TICRR: variants seen among roughly 807,000 people sequenced by gnomAD.
TICRR encodes the protein TOPBP1 interacting checkpoint and replication regulator.
A neutral mutation model predicts 178.1 loss-of-function variants in TICRR; 132 were observed. The ratio of observed to expected loss-of-function variants is 0.74; its 90% CI spans 0.64 to 0.86. The LOEUF (loss-of-function observed/expected upper bound fraction) is 0.86, where lower values mean the gene tolerates loss of function less well. Among genes scored for constraint, TICRR ranks in the 40% least tolerant of loss-of-function variants. TICRR has a pLI of 0.00. For synonymous variants in TICRR, 991 were observed against 900.7 expected (o/e 1.10, Z -1.79); for missense variants, 2,587 against 2,334.3 (o/e 1.11, Z -2.23).
rs1294321238 is a variant in TICRR at position 89,618,021 on chromosome 15, C to A, written c.2961-131C>A. ...TCTTGACAATAATCACGTATGAGAG[C>A]CCTTTACCAGCACTGGTGTTATCAG... On this transcript the variant is annotated intron_variant, in intron 16 of 21. Coordinates refer to ENST00000268138, the MANE Select transcript of TICRR (RefSeq NM_152259.4). The A allele has an allele frequency of 1.2e-5, 11 of 904,210 alleles. No homozygotes were observed. In the East Asian group the frequency reaches 2.2e-4, roughly 18 times the overall value. The allele number at this position is 904,210 out of a possible 1,614,324, so 56.0% of individuals were successfully genotyped here.
intron 1 of TICRR, among the ~76,000 whole-genome samples, chr15:89,579,453 C>T (rs1404332500): frequency 2.6e-5 from 4 of 152,120 alleles, no homozygotes; most frequent in Admixed American, 6.5e-5. Context: ...TCAAGTGATT[C>T]TCCTGCCTCA....
At position 89,618,161 on chromosome 15, in the gene TICRR, T is replaced by C. The variant is rs769553641; in HGVS notation, c.2970T>C (p.Asp990=). The change falls in exon 17 of 22, where the codon GAT becomes GAC. Residue 990 remains aspartate (D), a synonymous_variant. Transcript: ENST00000268138. ...CATGTGGTTCCTCGAGGTCCTCTGA[T>C]CCTGGTCCTGATATTGGTGTTGTTG... ...LHRQIKGRSS[D]PGPDIGVVEE... 1 of 1,614,196 alleles carries C rather than the reference T, an allele frequency of 6.2e-7. No individual in the cohort carries two copies. The highest frequency in any genetic ancestry group is 1.7e-5 in the Admixed American group (1 of 60,030).
In TICRR at chr15:89,624,336, G is replaced by A; in HGVS notation, c.4026G>A (p.Glu1342=). ...CPSPGELDQK[E]PQMSPSVAAS... is the part of the protein sequence containing the mutation. ...CCCCAGGAGAACTGGATCAGAAAGA[G>A]CCCCAGATGTCACCCAGCGTAGCTG... is the stretch of plus-strand genomic sequence containing the variant. Residue 1342 remains glutamate (E), a synonymous_variant, in exon 20 of 22, where the codon GAG becomes GAA. Coordinates refer to ENST00000268138, the MANE Select transcript of TICRR (RefSeq NM_152259.4). 1 of 1,614,130 alleles carries A rather than the reference G, an allele frequency of 6.2e-7. No individual in the cohort carries two copies. The highest frequency in any genetic ancestry group is 1.7e-5 in the Admixed American group (1 of 60,014).
intron 1 of TICRR, among the ~76,000 whole-genome samples, chr15:89,581,191 C>A (rs1056054351): frequency 6.6e-6 from 1 of 151,676 alleles, no homozygotes; most frequent in African/African-American, 2.4e-5. Context: ...ACTTTCGAGA[C>A]CCTTCTAGTT....
chr15:89,599,603 T>C (rs1963059755), intron 8 of TICRR, 128 bp downstream of exon 8: 1 of 885,334 alleles, frequency 1.1e-6, no homozygotes, highest in Admixed American at 2.6e-5. Context: ...GTAAGATAAG[T>C]AAGGGAGTAA....
At chr15:89,597,641 A>C (rs1353525972) in intron 7 of TICRR, among the ~76,000 whole-genome samples, 1 of 152,040 alleles carries the variant, frequency 6.6e-6, no homozygotes, top group Non-Finnish European at 1.5e-5. Context: ...TGATTACTGT[A>C]GCTTTATAGT....
rs1365241521 is a variant in TICRR, at chr15:89,592,009, C to T, written c.1412-38C>T. 6.9e-6 allele frequency: 11 copies of T among 1,583,846 alleles called. No homozygotes were observed. In the African/African-American group the frequency reaches 8.1e-5, roughly 12 times the overall value. ...AGAATTCTCTGCTTTGGTTCTCATG[C>T]TGTTTCCTCTCCTGCCGCTGCTCCT... On this transcript the variant is annotated intron_variant, in intron 4 of 21. Coordinates refer to ENST00000268138, the MANE Select transcript of TICRR (RefSeq NM_152259.4).
At chr15:89,609,063 C>G in intron 15 of TICRR, 114 bp downstream of exon 15, 1 of 742,082 alleles carries the variant, frequency 1.3e-6, no homozygotes, top group Non-Finnish European at 2.0e-6. Context: ...CCTCTTTTTT[C>G]CTTCAGTCTA....
chr15:89,577,440 C>T (rs1416057486), intron 1 of TICRR, among the ~76,000 whole-genome samples: 1 of 152,062 alleles, frequency 6.6e-6, no homozygotes, highest in Non-Finnish European at 1.5e-5. Context: ...GTGCCTACCA[C>T]ACTGTTTGAG....
intron 17 of TICRR, among the ~76,000 whole-genome samples, chr15:89,619,441 G>T (rs745707093): frequency 6.6e-6 from 1 of 151,944 alleles, no homozygotes; most frequent in Non-Finnish European, 1.5e-5. Flanking sequence ...GGTCAGGCTG[G>T]CTACACCATT....
intron 3 of TICRR, among the ~76,000 whole-genome samples, chr15:89,585,306 GGTTAA>G (rs1962801277): frequency 6.6e-6 from 1 of 152,186 alleles, no homozygotes; most frequent in African/African-American, 2.4e-5. Flanking sequence ...TCTGCCTCAT[GGTTAA>G]GTACATGGGT....
intron 18 of TICRR, 76 bp from the exon 19 acceptor site, chr15:89,621,317 G>A (rs960540922): frequency 1.0e-5 from 15 of 1,470,048 alleles, no homozygotes; most frequent in South Asian, 1.3e-5. Context: ...CACCATGCGT[G>A]GCTGGCTGTT....
chr15:89,614,102 C>T (rs946735008), intron 15 of TICRR, among the ~76,000 whole-genome samples: 8 of 151,702 alleles, frequency 5.3e-5, no homozygotes, highest in East Asian at 1.9e-4. Flanking sequence ...TGCAGTGAGC[C>T]GAGATCACGC....
At chr15:89,602,026 T>TA in intron 12 of TICRR, 50 bp downstream of exon 12, 1 of 1,600,562 alleles carries the variant, frequency 6.2e-7, no homozygotes, top group Non-Finnish European at 8.5e-7. Context: ...ATAGTTCTGA[T>TA]AAAAGATGTG....
At chr15:89,576,802 T>G (rs1962622907) in intron 1 of TICRR, among the ~76,000 whole-genome samples, 3 of 24,156 alleles carry the variant, frequency 1.2e-4, no homozygotes, top group South Asian at 1.7e-3. Flanking sequence ...TACCCAGGGG[T>G]GTGTGTGTAT....
At position 89,595,626 on chromosome 15, in the gene TICRR, C is replaced by G. The variant is rs1032132361; in HGVS notation, c.1900+15C>G. On this transcript the variant is annotated intron_variant, in intron 7 of 21. Coordinates refer to ENST00000268138, the MANE Select transcript of TICRR (RefSeq NM_152259.4). ...TAAACCTAAAGGTATTCCTCTTAGTCTATAATTTACTCTTTTATACCCCGC... is the reference window on the plus strand; with the variant it reads ...TAAACCTAAAGGTATTCCTCTTAGTGTATAATTTACTCTTTTATACCCCGC... The G allele has an allele frequency of 6.3e-7, 1 of 1,591,332 alleles. No homozygotes were observed. The highest frequency in any genetic ancestry group is 1.1e-5 in the South Asian group (1 of 89,800).
chr15:89,623,329 T>C (rs1596059430), intron 19 of TICRR, among the ~76,000 whole-genome samples: 1 of 152,184 alleles, frequency 6.6e-6, no homozygotes, highest in African/African-American at 2.4e-5. Flanking sequence ...GTAGCTGCAG[T>C]GGTAGAATGA....
intron 15 of TICRR, 152 bp downstream of exon 15, chr15:89,609,101 T>A: frequency 2.5e-4 from 9 of 35,314 alleles, no homozygotes; most frequent in East Asian, 3.2e-4. Flanking sequence ...TTTGTTAATC[T>A]TTTTTTTTTT....
At chr15:89,580,775 T>C (rs1014150447) in intron 1 of TICRR, among the ~76,000 whole-genome samples, 1 of 152,224 alleles carries the variant, frequency 6.6e-6, no homozygotes, top group Non-Finnish European at 1.5e-5. Flanking sequence ...GGCTTATACC[T>C]GTAACCCCAG....
Sources: allele counts gnomAD v4.1 joint callset (sites outside exome capture counted in the v4.1 genomes callset), GRCh38; gene constraint gnomAD v4.1.1; transcripts MANE v1.5; gene names NCBI Gene and HGNC (gene_info 2026-07-23, HGNC 2026-07-21).